The following MRTFB variants were observed in gnomAD, a reference collection of about 807,000 sequenced individuals.
MRTFB encodes the protein myocardin related transcription factor B.
MRTFB carries 29 observed loss-of-function variants against 104.2 expected under a neutral mutation model. The ratio of observed to expected loss-of-function variants is 0.28; its 90% CI spans 0.21 to 0.38. The LOEUF is 0.38. MRTFB is among the 10% of genes least tolerant of loss of function. The pLI is 1.00. For synonymous variants in MRTFB, 535 were observed against 519.5 expected, an observed-to-expected ratio of 1.03 and a Z score of -0.41; for missense variants, 1,270 against 1,341.6, an observed-to-expected ratio of 0.95 and a Z score of 0.83.
chr16:14,258,686 G>A (rs117279064), intron 16 of MRTFB, among the ~76,000 whole-genome samples: 5,806 of 152,348 alleles, frequency 0.038, 172 homozygotes, highest in Non-Finnish European at 0.06. Flanking sequence ...GTATGTCATT[G>A]TAATGGGATG....
At chr16:14,166,177 G>A (rs1018067068) in intron 3 of MRTFB, among the ~76,000 whole-genome samples, 36 of 151,114 alleles carry the variant, frequency 2.4e-4, no homozygotes, top group African/African-American at 8.5e-4. Flanking sequence ...CCTTGTGTGT[G>A]GAGGAGGAAA....
At chr16:14,258,279 C>A in intron 16 of MRTFB, 118 bp downstream of exon 16, 2 of 767,404 alleles carry the variant, frequency 2.6e-6, no homozygotes, top group South Asian at 1.8e-5. Flanking sequence ...GTTCTTCTAA[C>A]TGAATTTACT....
At chr16:14,096,533 A>C (rs924879477) in intron 2 of MRTFB, among the ~76,000 whole-genome samples, 1 of 151,384 alleles carries the variant, frequency 6.6e-6, no homozygotes, top group Non-Finnish European at 1.5e-5. Flanking sequence ...GTACTATTGC[A>C]GGGGAGAAAA....
intron 3 of MRTFB, among the ~76,000 whole-genome samples, chr16:14,178,418 T>C (rs2039657446): frequency 6.6e-6 from 1 of 152,220 alleles, no homozygotes; most frequent in Non-Finnish European, 1.5e-5. Flanking sequence ...TTAGAGTTTA[T>C]ATGAGGGCAT....
chr16:14,195,032 A>G (rs1205262670), intron 3 of MRTFB, among the ~76,000 whole-genome samples: 2 of 152,174 alleles, frequency 1.3e-5, no homozygotes, highest in East Asian at 3.9e-4. Flanking sequence ...CCAACTGAAT[A>G]TGATTTCTGA....
intron 14 of MRTFB, 100 bp from the exon 15 acceptor site, chr16:14,252,265 G>T: frequency 6.6e-7 from 1 of 1,505,788 alleles, no homozygotes; most frequent in African/African-American, 1.4e-5. Flanking sequence ...TGAATTCCCT[G>T]ATTTGGCCAC....
At chr16:14,160,891 C>T (rs1289729906) in intron 3 of MRTFB, among the ~76,000 whole-genome samples, 3 of 152,000 alleles carry the variant, frequency 2.0e-5, no homozygotes, top group Admixed American at 6.6e-5. Context: ...TTCCTACCTT[C>T]TGGCACAAGA....
In MRTFB at chr16:14,264,120, C is replaced by T. The variant is rs879500783; in HGVS notation, c.*2676C>T. On this transcript the variant is annotated 3_prime_UTR_variant, in exon 17 of 17. Coordinates refer to ENST00000571589, the MANE Select transcript of MRTFB (RefSeq NM_001308142.2). ...TAGGTTAGTGTCACAGCCATTACAG[C>T]ACAAGTCAAAGTCGCCAGTTGAATT... 1.3e-5 allele frequency: 2 copies of T among 152,226 alleles called. No individual in the cohort carries two copies. 9.4% of individuals were successfully genotyped at this position (152,226 alleles called of 1,614,324 possible). A position where few individuals can be genotyped will look rare whatever the true frequency, so the allele number is the denominator to read the frequency against.
At chr16:14,209,476 A>T (rs2041096518) in intron 3 of MRTFB, among the ~76,000 whole-genome samples, 1 of 152,232 alleles carries the variant, frequency 6.6e-6, no homozygotes. Flanking sequence ...TTATTTTGAA[A>T]TAGTCTCATT....
chr16:14,028,371 G>C, the MRTFB span, among the ~76,000 whole-genome samples: 1 of 152,136 alleles, frequency 6.6e-6, no homozygotes, highest in African/African-American at 2.4e-5. Flanking sequence ...CTCCTGGATG[G>C]GCAGGTGCAG....
the MRTFB span, among the ~76,000 whole-genome samples, chr16:14,033,877 A>G: frequency 1.3e-5 from 2 of 151,900 alleles, no homozygotes; most frequent in African/African-American, 4.8e-5. Context: ...GAAATTTTAA[A>G]CATAGAAATA....
the MRTFB span, among the ~76,000 whole-genome samples, chr16:13,999,651 C>T: frequency 6.6e-6 from 1 of 152,124 alleles, no homozygotes; most frequent in African/African-American, 2.4e-5. Flanking sequence ...GGGAGCATCG[C>T]ATGGTGCCTG....
intron 8 of MRTFB, among the ~76,000 whole-genome samples, chr16:14,233,700 G>C (rs762100405): frequency 7.0e-6 from 1 of 143,736 alleles, no homozygotes; most frequent in African/African-American, 2.6e-5. Context: ...CAAAGCTGGA[G>C]AATTGCTTGA....
chr16:14,117,646 C>T (rs918502723), intron 2 of MRTFB, among the ~76,000 whole-genome samples: 5 of 152,092 alleles, frequency 3.3e-5, no homozygotes, highest in Non-Finnish European at 5.9e-5. Context: ...TTGTGGCTGT[C>T]CCTCCAAGAA....
chr16:14,094,332 T>G (rs1279843827), intron 2 of MRTFB, among the ~76,000 whole-genome samples: 1 of 152,218 alleles, frequency 6.6e-6, no homozygotes, highest in Non-Finnish European at 1.5e-5. Context: ...AAGGGAAGAA[T>G]TTGTCTGAGT....
intron 3 of MRTFB, 135 bp from the exon 4 acceptor site, chr16:14,210,108 G>A (rs1414258771): frequency 1.7e-6 from 1 of 574,750 alleles, no homozygotes; most frequent in Non-Finnish European, 3.0e-6. Flanking sequence ...CTTACGTGGT[G>A]CCAGGTAATA....
intron 3 of MRTFB, among the ~76,000 whole-genome samples, chr16:14,194,702 CT>C (rs5815818): frequency 0.21 from 25,920 of 123,448 alleles, 3,851 homozygotes; most frequent in African/African-American, 0.44. Context: ...GTATGCTTTT[CT>C]TTTTTTTTTT....
chr16:14,127,927 A>G (rs77237217), intron 2 of MRTFB, among the ~76,000 whole-genome samples: 1 of 38,800 alleles, frequency 2.6e-5, no homozygotes, highest in Non-Finnish European at 3.8e-5. Flanking sequence ...ATATATATAT[A>G]TATTTTTTTT....
chr16:14,108,841 T>TC (rs1271227785), intron 2 of MRTFB, among the ~76,000 whole-genome samples: 1 of 152,122 alleles, frequency 6.6e-6, no homozygotes, highest in East Asian at 1.9e-4. Context: ...AGAAAACCTT[T>TC]CCCCCATCGT....
Sources: gnomAD v4.1 joint callset for allele counts (sites outside exome capture counted in the v4.1 genomes callset) on GRCh38, gnomAD v4.1.1 for gene constraint, MANE v1.5 for transcripts, NCBI Gene and HGNC (gene_info 2026-07-23, HGNC 2026-07-21) for gene names.